TMEM74: variants seen among roughly 807,000 people sequenced by gnomAD.
TMEM74 encodes the protein transmembrane protein 74.
Under a neutral mutation model 18.1 loss-of-function variants are expected in TMEM74, and 13 were observed. The ratio of observed to expected loss-of-function variants is 0.72; its 90% CI spans 0.47 to 1.14. The LOEUF (loss-of-function observed/expected upper bound fraction) is 1.14. Among genes scored for constraint, TMEM74 ranks in the 50% most tolerant of loss-of-function variants. TMEM74 has a pLI of 0.00. For synonymous variants in TMEM74, 159 were observed against 146.6 expected (o/e 1.08, Z -0.61); for missense variants, 372 against 375.9 (o/e 0.99, Z 0.09).
chr8:108,784,747 T>C lies in TMEM74; in HGVS notation c.352A>G (p.Ile118Val), dbSNP rs1468173441. Residue 118 changes from isoleucine to valine, a missense_variant, in exon 2 of 2, where the codon ATC becomes GTC. Ile to Val is a conservative substitution (Grantham distance 29). Transcript: ENST00000297459. ...CTCCGGTTCCGCTGCTCCAAGTTGA[T>C]GTTTTTGTCCACATAGGTAAAAGAA... is the stretch of plus-strand genomic sequence containing the variant. ...ETSFTYVDKN[I>V]NLEQRNRSSP... The C allele has an allele frequency of 1.2e-6, 2 of 1,614,194 alleles. No homozygotes were observed. Among genetic ancestry groups the C allele is most frequent in the South Asian group, 2.2e-5 (2 of 91,080 alleles).
intron 1 of TMEM74, among the ~76,000 whole-genome samples, chr8:108,683,266 A>C (rs1297304409): frequency 6.6e-6 from 1 of 151,778 alleles, no homozygotes; most frequent in Non-Finnish European, 1.5e-5. Flanking sequence ...GTGTTGAAAA[A>C]CTTTAAAATT....
chr8:108,671,973 G>T (rs377552093), intron 1 of TMEM74, among the ~76,000 whole-genome samples: 1 of 152,244 alleles, frequency 6.6e-6, no homozygotes, highest in African/African-American at 2.4e-5. Context: ...GAGCAGTTGG[G>T]TATAACTTAA....
At chr8:108,785,660 A>G (rs1401978531) in intron 1 of TMEM74, among the ~76,000 whole-genome samples, 1 of 152,200 alleles carries the variant, frequency 6.6e-6, no homozygotes, top group Non-Finnish European at 1.5e-5. Flanking sequence ...ACCATCAGTG[A>G]ATGACTATAC....
At chr8:108,755,381 C>T (rs565512932) in intron 1 of TMEM74, among the ~76,000 whole-genome samples, 4 of 152,154 alleles carry the variant, frequency 2.6e-5, no homozygotes, top group South Asian at 2.1e-4. Flanking sequence ...AAATGTATAT[C>T]GCTTTCAGCT....
chr8:108,756,614 GGA>G (rs1323144832), intron 1 of TMEM74, among the ~76,000 whole-genome samples: 5 of 77,346 alleles, frequency 6.5e-5, no homozygotes, highest in African/African-American at 3.0e-4. Flanking sequence ...AAGGAAGGAA[GGA>G]AGGAAGGAAG....
chr8:108,710,640 G>A (rs537229245), intron 1 of TMEM74, among the ~76,000 whole-genome samples: 3 of 152,236 alleles, frequency 2.0e-5, no homozygotes, highest in South Asian at 2.1e-4. Flanking sequence ...TACACTGTTC[G>A]CCTTGTCTCA....
At chr8:108,615,628 G>A (rs1050000962) in intron 2 of TMEM74, among the ~76,000 whole-genome samples, 1 of 152,036 alleles carries the variant, frequency 6.6e-6, no homozygotes, top group African/African-American at 2.4e-5. Flanking sequence ...ACCGGTGGAA[G>A]GGAGAAGAAG....
intron 1 of TMEM74, among the ~76,000 whole-genome samples, chr8:108,734,079 T>C (rs538852459): frequency 6.6e-6 from 1 of 152,298 alleles, no homozygotes; most frequent in African/African-American, 2.4e-5. Flanking sequence ...GACATTGGCA[T>C]GTGAGTCAGA....
At chr8:108,739,557 T>C (rs1426162745) in intron 1 of TMEM74, among the ~76,000 whole-genome samples, 1 of 152,196 alleles carries the variant, frequency 6.6e-6, no homozygotes, top group Admixed American at 6.5e-5. Flanking sequence ...GTGTAATAAA[T>C]CACTCCAAAA....
intron 2 of TMEM74, among the ~76,000 whole-genome samples, chr8:108,621,942 TA>T (rs879845927): frequency 1.1e-4 from 16 of 152,256 alleles, no homozygotes; most frequent in Admixed American, 1.0e-3. Flanking sequence ...TGGAGATGCA[TA>T]TTGCCTTTTA....
chr8:108,712,249 A>G (rs770478242), intron 1 of TMEM74, among the ~76,000 whole-genome samples: 1 of 152,164 alleles, frequency 6.6e-6, no homozygotes, highest in Non-Finnish European at 1.5e-5. Context: ...ATCCAATGCC[A>G]ACTCTTTAGG....
intron 1 of TMEM74, among the ~76,000 whole-genome samples, chr8:108,706,368 C>T (rs1421749635): frequency 6.6e-6 from 1 of 152,168 alleles, no homozygotes; most frequent in African/African-American, 2.4e-5. Context: ...CTCAAACATA[C>T]TAGGCATGCT....
In TMEM74 at chr8:108,709,323, G is replaced by A. The variant is rs570548998; in HGVS notation, n.120-53886C>T. Reference sequence around the variant, plus strand: ...ATAGAACGAGAAATGTAGCATACACGTACAATAAATATTACTAAGCCTTAA... The same window carrying A: ...ATAGAACGAGAAATGTAGCATACACATACAATAAATATTACTAAGCCTTAA... On this transcript the variant is annotated intron_variant and non_coding_transcript_variant, in intron 1 of 3. Coordinates refer to the TMEM74 transcript ENST00000518838. Among the ~76,000 whole-genome samples, 354 of 152,160 alleles carry A rather than the reference G, an allele frequency of 2.3e-3. 1 individual carries two copies. Among genetic ancestry groups the A allele is most frequent in the African/African-American group, 7.9e-3 (327 of 41,526 alleles).
intron 2 of TMEM74, among the ~76,000 whole-genome samples, chr8:108,613,950 T>C (rs1812359368): frequency 6.6e-6 from 1 of 152,176 alleles, no homozygotes; most frequent in Admixed American, 6.5e-5. Flanking sequence ...AAAATTTCCT[T>C]GTATTATTGT....
At chr8:108,761,001 A>G (rs1814037647) in intron 1 of TMEM74, among the ~76,000 whole-genome samples, 1 of 136,822 alleles carries the variant, frequency 7.3e-6, no homozygotes, top group African/African-American at 2.8e-5. Context: ...TGTGTGTTAA[A>G]TTTTATTACT....
chr8:108,787,264 T>C (rs780367701), intron 1 of TMEM74, among the ~76,000 whole-genome samples: 9 of 152,180 alleles, frequency 5.9e-5, no homozygotes, highest in Non-Finnish European at 1.2e-4. Context: ...CCCAAGCACC[T>C]GGCAGCGGTG....
intron 1 of TMEM74, among the ~76,000 whole-genome samples, chr8:108,772,786 A>G (rs900189369): frequency 4.6e-5 from 7 of 152,122 alleles, no homozygotes; most frequent in African/African-American, 1.4e-4. Flanking sequence ...TTGAATCCCA[A>G]TTCTGCCACT....
chr8:108,668,062 A>T (rs996126845), intron 1 of TMEM74, among the ~76,000 whole-genome samples: 5 of 152,186 alleles, frequency 3.3e-5, no homozygotes, highest in African/African-American at 1.2e-4. Flanking sequence ...CTTGGCTAAG[A>T]TACCATGCTC....
chr8:108,744,881 T>C (rs1046186781), intron 1 of TMEM74, among the ~76,000 whole-genome samples: 2 of 152,184 alleles, frequency 1.3e-5, no homozygotes, highest in African/African-American at 4.8e-5. Context: ...GGAATCTGGC[T>C]GATGGATAAT....
Sources: allele counts gnomAD v4.1 joint callset (sites outside exome capture counted in the v4.1 genomes callset), GRCh38; gene constraint gnomAD v4.1.1; transcripts MANE v1.5; gene names NCBI Gene and HGNC (gene_info 2026-07-23, HGNC 2026-07-21).